ADK: variants seen among roughly 807,000 people sequenced by gnomAD.
ADK encodes the protein adenosine kinase, also known as N6,N6-dimethyladenosine kinase.
In ADK, 24 loss-of-function variants were observed where a neutral mutation model predicts 44.7. The observed-to-expected ratio is 0.54, with a 90% CI of 0.39 to 0.76. The LOEUF (loss-of-function observed/expected upper bound fraction) is 0.76, where lower values mean the gene tolerates loss of function less well. Ranked by LOEUF, ADK falls within the 30% of genes least tolerant of loss-of-function variation. The pLI is 0.00. For missense variants in ADK, 321 were observed against 425.1 expected (o/e 0.76, Z 2.15); for synonymous variants, 128 against 142.6 (o/e 0.90, Z 0.73).
chr10:74,583,058 A>T (rs1183543840), intron 7 of ADK, among the ~76,000 whole-genome samples: 1 of 152,228 alleles, frequency 6.6e-6, no homozygotes, highest in Non-Finnish European at 1.5e-5. Context: ...CTAACGTGGT[A>T]TCATAAGAAA....
intron 6 of ADK, among the ~76,000 whole-genome samples, chr10:74,500,380 A>C (rs543478040): frequency 6.6e-6 from 1 of 152,286 alleles, no homozygotes; most frequent in Admixed American, 6.5e-5. Context: ...AATCATAAGG[A>C]TAATAAATGG....
intron 9 of ADK, among the ~76,000 whole-genome samples, chr10:74,614,265 A>G (rs1045201358): frequency 1.3e-5 from 2 of 152,118 alleles, no homozygotes; most frequent in African/African-American, 4.8e-5. Context: ...GAGGCAACCT[A>G]TCCTAAGCAG....
chr10:74,574,314 G>T (rs2133869793), intron 7 of ADK, among the ~76,000 whole-genome samples: 1 of 152,128 alleles, frequency 6.6e-6, no homozygotes, highest in Middle Eastern at 3.4e-3. Context: ...GGGACTACAG[G>T]CGCATGCCAC....
At chr10:74,649,174 C>T (rs1210572364) in intron 9 of ADK, among the ~76,000 whole-genome samples, 2 of 152,088 alleles carry the variant, frequency 1.3e-5, no homozygotes, top group Non-Finnish European at 2.9e-5. Context: ...GATCGCACTA[C>T]TGCACTCCAG....
rs202008089 is a variant in ADK at position 74,174,070 on chromosome 10, A to G, written c.65+22727A>G. Among the ~76,000 whole-genome samples the G allele has an allele frequency of 7.9e-5, 12 of 151,882 alleles. No homozygotes were observed. In the East Asian group the frequency reaches 2.3e-3, roughly 30 times the overall value. On this transcript the variant is annotated intron_variant, in intron 1 of 10. Coordinates refer to ENST00000539909, the MANE Select transcript of ADK (RefSeq NM_006721.4). ...GTATTCCCAGCATTTTGGGAGGCTGAGGTGGGCGGATCACTTGAGGTCAGG... is the reference window on the plus strand; with the variant it reads ...GTATTCCCAGCATTTTGGGAGGCTGGGGTGGGCGGATCACTTGAGGTCAGG...
At chr10:74,372,320 T>G (rs1842685736) in intron 4 of ADK, 1 of 754,706 alleles carries the variant, frequency 1.3e-6, no homozygotes, top group Admixed American at 1.7e-5. Context: ...AGTTCCCTAC[T>G]GAAGACTGGA....
At chr10:74,382,466 T>C (rs576166370) in intron 4 of ADK, among the ~76,000 whole-genome samples, 2 of 152,286 alleles carry the variant, frequency 1.3e-5, no homozygotes, top group African/African-American at 4.8e-5. Context: ...TTCTTTCTTA[T>C]TTTATATACA....
rs111527101 is a variant in ADK at position 74,300,046 on chromosome 10, C to T, written c.195-14621C>T. Among the ~76,000 whole-genome samples, 759 of 150,556 alleles carry T rather than the reference C, an allele frequency of 5.0e-3. 11 individuals are homozygous for T. The highest frequency in any genetic ancestry group is 0.017 in the African/African-American group (708 of 41,160). ...ATTGTTTCTTTTCTTTCTTCTTCTT[C>T]GTCTTCTTTTTTTTTTTTTTAGAAA... On this transcript the variant is annotated intron_variant, in intron 3 of 10. Transcript: ENST00000539909.
intron 9 of ADK, among the ~76,000 whole-genome samples, chr10:74,639,213 G>T (rs1420397092): frequency 2.6e-5 from 4 of 152,158 alleles, no homozygotes; most frequent in Non-Finnish European, 5.9e-5. Context: ...TGAGATAGGA[G>T]AATTTTTTAA....
intron 7 of ADK, among the ~76,000 whole-genome samples, chr10:74,558,667 G>A (rs1188355542): frequency 6.6e-6 from 1 of 152,136 alleles, no homozygotes; most frequent in Non-Finnish European, 1.5e-5. Flanking sequence ...CCCAGTCTCC[G>A]GTAGTTATTT....
chr10:74,382,452 G>T (rs1383132567), intron 4 of ADK, among the ~76,000 whole-genome samples: 1 of 152,028 alleles, frequency 6.6e-6, no homozygotes, highest in Non-Finnish European at 1.5e-5. Context: ...TTCCTTGGTG[G>T]TTTTTCTTTC....
At chr10:74,483,552 C>T (rs539648367) in intron 6 of ADK, among the ~76,000 whole-genome samples, 9 of 152,348 alleles carry the variant, frequency 5.9e-5, no homozygotes, top group Admixed American at 1.3e-4. Context: ...TTCTACCACA[C>T]GGTCAGGCTG....
chr10:74,257,339 T>A (rs2132356792), intron 3 of ADK, among the ~76,000 whole-genome samples: 1 of 152,302 alleles, frequency 6.6e-6, no homozygotes, highest in East Asian at 1.9e-4. Context: ...TAGGTGGACT[T>A]GCGCAGTTCA....
At chr10:74,694,739 C>T (rs1288383083) in intron 10 of ADK, among the ~76,000 whole-genome samples, 69 of 152,338 alleles carry the variant, frequency 4.5e-4, no homozygotes, top group Non-Finnish European at 4.4e-5. Context: ...GCCTCAACCT[C>T]ACAAAGTGCT....
intron 6 of ADK, among the ~76,000 whole-genome samples, chr10:74,473,832 T>TG (rs139369435): frequency 0.012 from 1,781 of 151,992 alleles, 39 homozygotes; most frequent in African/African-American, 0.04. Context: ...CACTTGGGGG[T>TG]GGGGGGGTAA....
chr10:74,161,271 G>A (rs569828709), intron 1 of ADK, among the ~76,000 whole-genome samples: 142 of 152,108 alleles, frequency 9.3e-4, no homozygotes, highest in African/African-American at 3.2e-3. Flanking sequence ...GCATGATCTC[G>A]GCTCACTGCA....
chr10:74,413,934 C>A (rs182444098), intron 6 of ADK, among the ~76,000 whole-genome samples: 56 of 152,098 alleles, frequency 3.7e-4, no homozygotes, highest in Non-Finnish European at 5.4e-4. Flanking sequence ...AATAGGGAGG[C>A]CTTAGGAGAG....
At chr10:74,671,038 T>TAAAAAA (rs10670267) in intron 10 of ADK, among the ~76,000 whole-genome samples, 1,640 of 99,086 alleles carry the variant, frequency 0.017, 80 homozygotes, top group African/African-American at 0.061. Flanking sequence ...CAGGTTAATT[T>TAAAAAA]AAAAAAAAAA....
At chr10:74,540,222 C>T (rs1233998449) in intron 7 of ADK, among the ~76,000 whole-genome samples, 1 of 151,958 alleles carries the variant, frequency 6.6e-6, no homozygotes, top group Non-Finnish European at 1.5e-5. Context: ...AAAATAAATA[C>T]ACTCAAGTAA....
Sources: allele counts gnomAD v4.1 joint callset (sites outside exome capture counted in the v4.1 genomes callset), GRCh38; gene constraint gnomAD v4.1.1; transcripts MANE v1.5; gene names NCBI Gene and HGNC (gene_info 2026-07-23, HGNC 2026-07-21).